Variants in CNNM1 observed in about 807,000 individuals in gnomAD.
The protein encoded by CNNM1 is cyclin and CBS domain divalent metal cation transport mediator 1, also known as metal transporter CNNM1.
Under a neutral mutation model 78.8 loss-of-function variants are expected in CNNM1, and 44 were observed. The ratio of observed to expected loss-of-function variants is 0.56; its 90% CI spans 0.44 to 0.72. The LOEUF is 0.72. CNNM1 is among the 30% of genes least tolerant of loss of function. The pLI is 0.00. For missense variants in CNNM1, 1,101 were observed against 1,292.2 expected (o/e 0.85, Z 2.27); for synonymous variants, 584 against 581.5 (o/e 1.00, Z -0.06).
At chr10:99,370,164 AGAACCCCCAG>A (rs2031752926) in intron 6 of CNNM1, among the ~76,000 whole-genome samples, 2 of 152,242 alleles carry the variant, frequency 1.3e-5, no homozygotes, top group South Asian at 4.1e-4. Context: ...CCTGCTGTGC[AGAACCCCCAG>A]GAAGTGCTGA....
intron 6 of CNNM1, among the ~76,000 whole-genome samples, chr10:99,376,193 G>C (rs1338066883): frequency 2.0e-5 from 3 of 152,158 alleles, no homozygotes; most frequent in African/African-American, 7.2e-5. Context: ...TGCTGAGCCA[G>C]AGCCTGTGTC....
At chr10:99,391,363 G>T in intron 10 of CNNM1, 74 bp from the exon 11 acceptor site, 2 of 1,169,116 alleles carry the variant, frequency 1.7e-6, no homozygotes, top group Non-Finnish European at 2.5e-6. Flanking sequence ...GTTTTGAAAA[G>T]AACTCAGACT....
chr10:99,357,483 A>G (rs2031262693), intron 1 of CNNM1, 29 bp from the exon 2 acceptor site: 4 of 1,602,332 alleles, frequency 2.5e-6, no homozygotes, highest in African/African-American at 1.3e-5. Context: ...TGTCCCCGAT[A>G]CTTAACTGTG....
rs1473225871 is a variant in CNNM1, at chr10:99,330,091, T to C, written c.704T>C (p.Leu235Ser). The change falls in exon 1 of 11, where the codon TTG (leucine) becomes TCG (serine). Residue 235 changes from leucine (L) to serine (S), a missense_variant. Physicochemically the swap from Leu to Ser is moderately radical, Grantham distance 145. Around this residue, in one of 3 missense-constraint regions of CNNM1, gnomAD observed 476 missense variants for 484.5 expected, o/e 0.98. Transcript: ENST00000356713. ...RALGALLLLA[L>S]SALFSGLRLS... ...CTCGGGGCGCTCCTGCTGCTAGCCT[T>C]GTCGGCCCTGTTCAGCGGCCTGCGC... 1 of 1,544,032 alleles carries C rather than the reference T, an allele frequency of 6.5e-7. No homozygotes were observed. Among genetic ancestry groups the C allele is most frequent in the South Asian group, 1.2e-5 (1 of 84,760 alleles).
At chr10:99,347,106 A>G (rs1307033086) in intron 1 of CNNM1, among the ~76,000 whole-genome samples, 2 of 152,118 alleles carry the variant, frequency 1.3e-5, no homozygotes, top group African/African-American at 4.8e-5. Context: ...TGGGTGATGA[A>G]ATAATCTGTA....
chr10:99,378,568 A>G (rs1172396807), intron 7 of CNNM1, among the ~76,000 whole-genome samples: 1 of 152,230 alleles, frequency 6.6e-6, no homozygotes, highest in Non-Finnish European at 1.5e-5. Flanking sequence ...AAAAGTAACC[A>G]TGGAATGTTG....
rs1241663860 is a variant in CNNM1, at chr10:99,378,158, T to C, written c.2340+940T>C. On this transcript the variant is annotated intron_variant, in intron 7 of 10. Transcript: ENST00000356713. Reference sequence around the variant, plus strand: ...TTTGTGTTTTTAGTAGAGACGGGGTTTCACCATGTTGGTCAGGTTGGTCTC... The same window carrying C: ...TTTGTGTTTTTAGTAGAGACGGGGTCTCACCATGTTGGTCAGGTTGGTCTC... Among the ~76,000 whole-genome samples, 5 of 152,134 alleles carry C rather than the reference T, an allele frequency of 3.3e-5. No individual in the cohort carries two copies. In the South Asian group the frequency reaches 8.3e-4, roughly 25 times the overall value.
intron 1 of CNNM1, among the ~76,000 whole-genome samples, chr10:99,332,188 G>A (rs1328510938): frequency 6.6e-6 from 1 of 152,114 alleles, no homozygotes; most frequent in African/African-American, 2.4e-5. Flanking sequence ...CACAAACCCT[G>A]AAAGCAACAC....
chr10:99,330,141 G>A lies in CNNM1; in HGVS notation c.754G>A (p.Val252Met), dbSNP rs752902276. Residue 252 changes from valine to methionine, a missense_variant, in exon 1 of 11, where the codon GTG becomes ATG. This residue lies in a region of CNNM1 where 476 missense variants were observed against 484.5 expected (regional missense o/e 0.98). Coordinates refer to ENST00000356713, the MANE Select transcript of CNNM1 (RefSeq NM_020348.3). ...CCTGAGCCTGCTGTCGCTGGACCCGGTGGAGTTACGGGTGCTGCGGAACAG... is the reference window on the plus strand; with the variant it reads ...CCTGAGCCTGCTGTCGCTGGACCCGATGGAGTTACGGGTGCTGCGGAACAG... Reference protein sequence around the residue: ...LRLSLLSLDPVELRVLRNSGS... With the variant: ...LRLSLLSLDPMELRVLRNSGS... 2.6e-6 allele frequency: 4 copies of A among 1,546,424 alleles called. No homozygotes were observed. In the South Asian group the frequency reaches 4.7e-5, roughly 18 times the overall value.
At chr10:99,366,827 TC>T (rs1308931713) in intron 6 of CNNM1, among the ~76,000 whole-genome samples, 1 of 152,210 alleles carries the variant, frequency 6.6e-6, no homozygotes, top group African/African-American at 2.4e-5. Flanking sequence ...TCTGATTTCT[TC>T]CTTTCCTTCC....
At chr10:99,336,632 A>G (rs888058247) in intron 1 of CNNM1, among the ~76,000 whole-genome samples, 2 of 152,226 alleles carry the variant, frequency 1.3e-5, no homozygotes, top group African/African-American at 4.8e-5. Flanking sequence ...CTTCACTCTA[A>G]TACAGGAAAC....
At chr10:99,345,035 A>T (rs1315756865) in intron 1 of CNNM1, among the ~76,000 whole-genome samples, 2 of 152,220 alleles carry the variant, frequency 1.3e-5, no homozygotes, top group Non-Finnish European at 2.9e-5. Context: ...ATTGTGTTGG[A>T]AAGAGCACAA....
chr10:99,389,576 G>A (rs1191324799), intron 9 of CNNM1, among the ~76,000 whole-genome samples: 1 of 152,078 alleles, frequency 6.6e-6, no homozygotes, highest in Admixed American at 6.6e-5. Context: ...AGTAGCTAAA[G>A]CACATAGCAA....
chr10:99,342,187 A>G (rs1007008952), intron 1 of CNNM1, among the ~76,000 whole-genome samples: 2 of 152,244 alleles, frequency 1.3e-5, no homozygotes, highest in Non-Finnish European at 1.5e-5. Context: ...TGTTGGTTAA[A>G]TGATTAGTTA....
In CNNM1 at chr10:99,330,159, C is replaced by G; in HGVS notation, c.772C>G (p.Arg258Gly). Residue 258 changes from arginine to glycine, a missense_variant, in exon 1 of 11, where the codon CGG becomes GGG. Arg to Gly is a moderately radical substitution (Grantham distance 125). Coordinates refer to ENST00000356713, the MANE Select transcript of CNNM1 (RefSeq NM_020348.3). ...SLDPVELRVL[R>G]NSGSAAEQEQ... is the part of the protein sequence containing the mutation. ...GGACCCGGTGGAGTTACGGGTGCTGCGGAACAGCGGCTCGGCCGCCGAGCA... is the reference window on the plus strand; with the variant it reads ...GGACCCGGTGGAGTTACGGGTGCTGGGGAACAGCGGCTCGGCCGCCGAGCA... The G allele has an allele frequency of 6.5e-7, 1 of 1,533,766 alleles. No homozygotes were observed. Among genetic ancestry groups the G allele is most frequent in the South Asian group, 1.2e-5 (1 of 83,190 alleles).
chr10:99,371,047 C>G (rs1311605510), intron 6 of CNNM1, among the ~76,000 whole-genome samples: 2 of 152,186 alleles, frequency 1.3e-5, no homozygotes, highest in African/African-American at 4.8e-5. Context: ...TTAGATCCTG[C>G]TCTCCACCTA....
intron 1 of CNNM1, among the ~76,000 whole-genome samples, chr10:99,333,754 C>G (rs1259655229): frequency 6.6e-6 from 1 of 152,216 alleles, no homozygotes; most frequent in Admixed American, 6.5e-5. Context: ...TCTTTCGAAG[C>G]AGGAATTGTC....
intron 6 of CNNM1, among the ~76,000 whole-genome samples, chr10:99,373,232 G>C (rs1289386710): frequency 6.6e-6 from 1 of 152,182 alleles, no homozygotes; most frequent in Non-Finnish European, 1.5e-5. Context: ...TGGAACAACT[G>C]GTGTAGGGTG....
intron 1 of CNNM1, among the ~76,000 whole-genome samples, chr10:99,353,178 T>G (rs2031008477): frequency 6.6e-6 from 1 of 152,218 alleles, no homozygotes; most frequent in South Asian, 2.1e-4. Flanking sequence ...GGAGTTGTCT[T>G]CTTAAGAGTT....
Sources: gnomAD v4.1 joint callset for allele counts (sites outside exome capture counted in the v4.1 genomes callset) on GRCh38, gnomAD v4.1.1 for gene constraint, gnomAD v4.1.1 regional missense constraint, MANE v1.5 for transcripts, NCBI Gene and HGNC (gene_info 2026-07-23, HGNC 2026-07-21) for gene names.